Variants in FLG observed in about 807,000 individuals in gnomAD.
FLG encodes the protein epidermal filaggrin.
FLG carries 6 observed loss-of-function variants against 3.8 expected under a neutral mutation model. That is an observed-to-expected ratio of 1.60 (90% confidence interval 0.87 to 3.15). The LOEUF (loss-of-function observed/expected upper bound fraction) is 3.15, where lower values mean the gene tolerates loss of function less well. Ranked by LOEUF, FLG falls within the 30% of genes most tolerant of loss-of-function variation. The probability of loss-of-function intolerance (pLI) is 0.00; values close to 1 mark genes in which losing one functional copy is unlikely to be tolerated. For synonymous variants in FLG, 2,551 were observed against 1,931.6 expected, an observed-to-expected ratio of 1.32 and a Z score of -8.41; for missense variants, 7,595 against 5,050.9, an observed-to-expected ratio of 1.50 and a Z score of -15.27.
Position 152,313,281 on chromosome 1 carries a change from C to G in FLG, c.1605G>C (p.Ser535=). ...AACCTGAGTGTCCAGACCTATTTAC[C>G]GATTGCTCGTGGTGGGATCCCTGCC... ...GGRQGSHHEQ[S]VNRSGHSGSH... is the part of the protein sequence containing the mutation. The change falls in exon 3 of 3, where the codon TCG becomes TCC. Residue 535 remains serine (S), a synonymous_variant. Coordinates refer to ENST00000368799, the MANE Select transcript of FLG (RefSeq NM_002016.2). 1.2e-6 allele frequency: 2 copies of G among 1,613,782 alleles called. No homozygotes were observed. Among genetic ancestry groups the G allele is most frequent in the Non-Finnish European group, 1.7e-6 (2 of 1,179,992 alleles).
At chr1:152,321,490 C>T (rs1021206116) in intron 1 of FLG, among the ~76,000 whole-genome samples, 8 of 150,964 alleles carry the variant, frequency 5.3e-5, no homozygotes, top group Admixed American at 2.6e-4. Flanking sequence ...ACATTGCTAT[C>T]GAGGTTTTAG....
chr1:152,322,920 G>A (rs1227309134), intron 1 of FLG, among the ~76,000 whole-genome samples: 1 of 151,274 alleles, frequency 6.6e-6, no homozygotes, highest in Non-Finnish European at 1.5e-5. Flanking sequence ...GCTAAGATTA[G>A]GTAAGACCAT....
intron 1 of FLG, among the ~76,000 whole-genome samples, chr1:152,323,580 T>C (rs979877869): frequency 8.6e-5 from 13 of 151,668 alleles, no homozygotes; most frequent in Non-Finnish European, 1.8e-4. Context: ...TGAAATAACG[T>C]GTGAGACCTC....
chr1:152,312,380 C>A lies in FLG; in HGVS notation c.2506G>T (p.Asp836Tyr), dbSNP rs777352352. 1 of 1,611,786 alleles carries A rather than the reference C, an allele frequency of 6.2e-7. No homozygotes were observed. Among genetic ancestry groups the A allele is most frequent in the South Asian group, 1.1e-5 (1 of 90,938 alleles). The change falls in exon 3 of 3, where the codon GAT becomes TAT. Residue 836 changes from aspartate to tyrosine, a missense_variant. Asp to Tyr is a radical substitution (Grantham distance 160, BLOSUM62 -3). Coordinates refer to ENST00000368799, the MANE Select transcript of FLG (RefSeq NM_002016.2). ...TGTCCACGAATGGTGTCCTGACCAT[C>A]TTGGGATGCTGAGTGCCTGGAGTTG... ...RDNSRHSASQDGQDTIRGHPG... is the reference protein window; with the variant it reads ...RDNSRHSASQYGQDTIRGHPG...
rs779477624 is a variant in FLG, at chr1:152,313,673, C to G, written c.1213G>C (p.Ala405Pro). ...CCACGATCGCTGACTGCAGATGAAG[C>G]TTGCCCGCGCCCAGTGGCTGAGTGT... ...SRHSATGRGQ[A>P]SSAVSDRGHR... is the part of the protein sequence containing the mutation. The change falls in exon 3 of 3, where the codon GCT becomes CCT. Residue 405 changes from alanine to proline, a missense_variant. Physicochemically the swap from Ala to Pro is conservative, Grantham distance 27. Coordinates refer to ENST00000368799, the MANE Select transcript of FLG (RefSeq NM_002016.2). 3 of 1,614,048 alleles carry G rather than the reference C, an allele frequency of 1.9e-6. No individual in the cohort carries two copies. The Admixed American group carries it at 5.0e-5, about 27-fold the overall frequency.
chr1:152,314,070 G>A lies in FLG; in HGVS notation c.816C>T (p.Asn272=). Residue 272 remains asparagine (N), a synonymous_variant, in exon 3 of 3, where the codon AAC becomes AAT. Transcript: ENST00000368799. Reference sequence around the variant, plus strand: ...GGCTTGTATTTTCATGTCTTGACCTGTTCACTTGAGATGATGATTTGCCAT... The same window carrying A: ...GGCTTGTATTTTCATGTCTTGACCTATTCACTTGAGATGATGATTTGCCAT... ...SSDGKSSSQV[N]RSRHENTSQV... is the part of the protein sequence containing the mutation. 1 of 1,614,108 alleles carries A rather than the reference G, an allele frequency of 6.2e-7. No individual in the cohort carries two copies.
chr1:152,304,681 C>A lies in FLG; in HGVS notation c.10205G>T (p.Arg3402Leu), dbSNP rs111684654. Reference protein sequence around the residue: ...THEQSESAHGRTRTSTGRRQG... With the variant: ...THEQSESAHGLTRTSTGRRQG... ...TCTTCGTCCAGTGCTGGTCCTGGTCCGCCCATGGGCAGACTCAGACTGTTC... is the reference window on the plus strand; with the variant it reads ...TCTTCGTCCAGTGCTGGTCCTGGTCAGCCCATGGGCAGACTCAGACTGTTC... Residue 3402 changes from arginine to leucine, a missense_variant, in exon 3 of 3, where the codon CGG (arginine) becomes CTG (leucine). Coordinates refer to ENST00000368799, the MANE Select transcript of FLG (RefSeq NM_002016.2). The A allele has an allele frequency of 6.2e-7, 1 of 1,612,020 alleles. No individual in the cohort carries two copies. Among genetic ancestry groups the A allele is most frequent in the Non-Finnish European group, 8.5e-7 (1 of 1,179,164 alleles).
intron 2 of FLG, 31 bp downstream of exon 2, chr1:152,315,288 C>T (rs1652745299): frequency 1.9e-6 from 3 of 1,608,312 alleles, no homozygotes; most frequent in African/African-American, 1.3e-5. Context: ...AAAACAAATG[C>T]TCTATCTTTG....
Position 152,303,351 on chromosome 1 carries a change from G to C in FLG, c.11535C>G (p.Ser3845=), listed in dbSNP as rs564072147. 10 of 1,614,072 alleles carry C rather than the reference G, an allele frequency of 6.2e-6. No individual in the cohort carries two copies. The highest frequency in any genetic ancestry group is 8.5e-6 in the Non-Finnish European group (10 of 1,180,018). Residue 3845 remains serine (S), a synonymous_variant, in exon 3 of 3, where the codon TCC becomes TCG. Transcript: ENST00000368799. The part of the protein sequence containing the change: ...TQADSSRHSQ[S]GQGESAGSRR... ...TGGACCCCGCTGATTCACCCTGGCCGGACTGTGAGTGTCTAGAGCTGTCAG... is the reference window on the plus strand; with the variant it reads ...TGGACCCCGCTGATTCACCCTGGCCCGACTGTGAGTGTCTAGAGCTGTCAG...
In FLG at chr1:152,310,102, C is replaced by CT; in HGVS notation, c.4783dup (p.Ser1595LysfsTer7). 6.2e-7 allele frequency: 1 copy of CT among 1,614,022 alleles called. No homozygotes were observed. Among genetic ancestry groups the CT allele is most frequent in the South Asian group, 1.1e-5 (1 of 91,072 alleles). ...GTGTCCCTCACTGTCCCTGTCCTGA[C>CT]TAACACTGGATCCCTGGCGCCTGCT... On this transcript the variant is annotated frameshift_variant, in exon 3 of 3. Transcript: ENST00000368799. LOFTEE classifies it low-confidence loss of function (END_TRUNC).
Position 152,314,513 on chromosome 1 carries a change from G to T in FLG, c.373C>A (p.Pro125Thr). 1 of 1,613,274 alleles carries T rather than the reference G, an allele frequency of 6.2e-7. No homozygotes were observed. The highest frequency in any genetic ancestry group is 1.1e-5 in the South Asian group (1 of 91,024). ...QEENKENRKR[P>T]SSLERRNNRK... ...TTGTTTCTTCTTTCCAGACTTGAGG[G>T]TCTTTTTCTGTTTTCTTTGTTTTCT... is the stretch of plus-strand genomic sequence containing the variant. Residue 125 changes from proline to threonine, a missense_variant, in exon 3 of 3, where the codon CCC becomes ACC. By Grantham distance (38) the Pro-to-Thr change is conservative (BLOSUM62 -1). Coordinates refer to ENST00000368799, the MANE Select transcript of FLG (RefSeq NM_002016.2).
At position 152,313,176 on chromosome 1, in the gene FLG, T is replaced by C. The variant is rs1652585581; in HGVS notation, c.1710A>G (p.Gln570=). 1 of 1,613,866 alleles carries C rather than the reference T, an allele frequency of 6.2e-7. No individual in the cohort carries two copies. Among genetic ancestry groups the C allele is most frequent in the East Asian group, 2.2e-5 (1 of 44,832 alleles). ...CTCCTGATTGTTCCTCATTTCGTGTTTGTCTGCTTGCACTTCTGGATCCTG... is the reference window on the plus strand; with the variant it reads ...CTCCTGATTGTTCCTCATTTCGTGTCTGTCTGCTTGCACTTCTGGATCCTG... ...GQSGSRSASR[Q]TRNEEQSGDG... Residue 570 remains glutamine, a synonymous_variant, in exon 3 of 3, where the codon CAA becomes CAG. Coordinates refer to ENST00000368799, the MANE Select transcript of FLG (RefSeq NM_002016.2).
chr1:152,312,021 A>G lies in FLG; in HGVS notation c.2865T>C (p.His955=), dbSNP rs144437056. The G allele has an allele frequency of 3.0e-3, 4,515 of 1,515,190 alleles. 1 individual carries two copies. In the African/African-American group the frequency reaches 0.08, roughly 27 times the overall value. The allele number at this position is 1,515,190 out of a possible 1,614,324, so 93.9% of individuals were successfully genotyped here. ...SVSQDSDSEG[H]SEDSERWSGS... is the part of the protein sequence containing the mutation. ...CAGACCACCTCTCAGAGTCTTCTGA[A>G]TGTCCCTCACTGTCACTGTCCTGGC... The change falls in exon 3 of 3, where the codon CAT becomes CAC. Residue 955 remains histidine, a synonymous_variant. Transcript: ENST00000368799.
chr1:152,315,941 A>C (rs544406225), intron 1 of FLG, among the ~76,000 whole-genome samples: 13 of 152,244 alleles, frequency 8.5e-5, no homozygotes, highest in Non-Finnish European at 1.6e-4. Flanking sequence ...ACTCAATGAA[A>C]GTTCATTCAA....
chr1:152,303,468 G>A lies in FLG; in HGVS notation c.11418C>T (p.Ser3806=), dbSNP rs1246447340. The A allele has an allele frequency of 6.2e-6, 10 of 1,613,942 alleles. No homozygotes were observed. The highest frequency in any genetic ancestry group is 3.3e-5 in the Admixed American group (2 of 59,998). The change falls in exon 3 of 3, where the codon TCC becomes TCT. Residue 3806 remains serine, a synonymous_variant. Transcript: ENST00000368799. ...TACGTGTTTCTCTGCTTGCACTTCT[G>A]GATCCTGACTGCCCATGGGAGGCAT... The part of the protein sequence containing the change: ...RSDASHGQSG[S]RSASRETRNE...
In FLG at chr1:152,302,544, A is replaced by G; in HGVS notation, c.*156T>C. ...GCGTTTAAAGATCATTACACAATAAAAATAAGCTACCACCAAACTAATGAA... is the reference window on the plus strand; with the variant it reads ...GCGTTTAAAGATCATTACACAATAAGAATAAGCTACCACCAAACTAATGAA... On this transcript the variant is annotated 3_prime_UTR_variant, in exon 3 of 3. Coordinates refer to ENST00000368799, the MANE Select transcript of FLG (RefSeq NM_002016.2). 1 of 943,110 alleles carries G rather than the reference A, an allele frequency of 1.1e-6. No individual in the cohort carries two copies. Among genetic ancestry groups the G allele is most frequent in the Non-Finnish European group, 1.5e-6 (1 of 647,018 alleles). The allele number at this position is 943,110 out of a possible 1,614,324, so 58.4% of individuals were successfully genotyped here.
Position 152,303,449 on chromosome 1 carries a change from T to G in FLG, c.11437A>C (p.Thr3813Pro), listed in dbSNP as rs1440485337. Residue 3813 changes from threonine (T) to proline (P), a missense_variant, in exon 3 of 3, where the codon ACA becomes CCA. Physicochemically the swap from Thr to Pro is conservative, Grantham distance 38 (BLOSUM62 -1). Coordinates refer to ENST00000368799, the MANE Select transcript of FLG (RefSeq NM_002016.2). ...QSGSRSASRE[T>P]RNEEQSGDGS... ...TCTCCTGACTGTTCCTCATTACGTGTTTCTCTGCTTGCACTTCTGGATCCT... is the reference window on the plus strand; with the variant it reads ...TCTCCTGACTGTTCCTCATTACGTGGTTCTCTGCTTGCACTTCTGGATCCT... 6.2e-7 allele frequency: 1 copy of G among 1,613,506 alleles called. No individual in the cohort carries two copies. The highest frequency in any genetic ancestry group is 8.5e-7 in the Non-Finnish European group (1 of 1,179,930).
At position 152,303,984 on chromosome 1, in the gene FLG, T is replaced by C. The variant is rs199584482; in HGVS notation, c.10902A>G (p.Ala3634=). 6.2e-7 allele frequency: 1 copy of C among 1,613,904 alleles called. No individual in the cohort carries two copies. Among genetic ancestry groups the C allele is most frequent in the Non-Finnish European group, 8.5e-7 (1 of 1,180,030 alleles). Residue 3634 remains alanine (A), a synonymous_variant, in exon 3 of 3, where the codon GCA becomes GCG. Transcript: ENST00000368799. ...ERHGSHHQQS[A]DSSRHSGIGH... ...CAATGCCTGAGTGTCTGGAGCTGTC[T>C]GCTGACTGCTGGTGGTGGGATCCAT...
At chr1:152,314,900 A>T in intron 2 of FLG, 153 bp from the exon 3 acceptor site, 7 of 847,208 alleles carry the variant, frequency 8.3e-6, no homozygotes, top group Non-Finnish European at 1.3e-5. Context: ...TCTCATCCTC[A>T]TTCAGGTGTT....
Sources: gnomAD v4.1 joint callset for allele counts (sites outside exome capture counted in the v4.1 genomes callset) on GRCh38, gnomAD v4.1.1 for gene constraint, MANE v1.5 for transcripts, NCBI Gene and HGNC (gene_info 2026-07-23, HGNC 2026-07-21) for gene names.